The following BTBD9 variants were observed in gnomAD, a reference collection of about 807,000 sequenced individuals.
The protein encoded by BTBD9 is BTB domain containing 9, also known as BTB/POZ domain-containing protein 9.
A neutral mutation model predicts 64.3 loss-of-function variants in BTBD9; 49 were observed. The observed-to-expected ratio is 0.76, with a 90% confidence interval of 0.61 to 0.97. The LOEUF is 0.97. BTBD9 is among the 50% of genes least tolerant of loss of function. The pLI, the probability that BTBD9 is intolerant of heterozygous loss-of-function variation, is 0.00. For synonymous variants in BTBD9, 260 were observed against 274.7 expected (o/e 0.95, Z 0.53); for missense variants, 598 against 762.1 (o/e 0.78, Z 2.53).
At chr6:38,487,423 A>T (rs930563576) in intron 6 of BTBD9, among the ~76,000 whole-genome samples, 1 of 152,116 alleles carries the variant, frequency 6.6e-6, no homozygotes, top group African/African-American at 2.4e-5. Flanking sequence ...TCTACAAAAA[A>T]TACAAAAATT....
intron 10 of BTBD9, among the ~76,000 whole-genome samples, chr6:38,189,539 G>A (rs887507427): frequency 2.0e-5 from 3 of 152,164 alleles, no homozygotes; most frequent in African/African-American, 7.2e-5. Flanking sequence ...GCCCAGGGCT[G>A]GAGTGCAGTG....
At chr6:38,434,996 A>C (rs1034831855) in intron 6 of BTBD9, among the ~76,000 whole-genome samples, 2 of 151,918 alleles carry the variant, frequency 1.3e-5, no homozygotes, top group Non-Finnish European at 2.9e-5. Flanking sequence ...GGAGTTCGAG[A>C]CCAGCCTGAC....
chr6:38,398,758 A>T (rs1177137504), intron 6 of BTBD9, among the ~76,000 whole-genome samples: 1 of 152,232 alleles, frequency 6.6e-6, no homozygotes, highest in Admixed American at 6.5e-5. Flanking sequence ...ACTTTACTTC[A>T]TCAAAGCACT....
chr6:38,237,649 G>C (rs1037907305), intron 9 of BTBD9, among the ~76,000 whole-genome samples: 3 of 152,164 alleles, frequency 2.0e-5, no homozygotes, highest in Admixed American at 1.3e-4. Flanking sequence ...AATAGATAAT[G>C]CCAGCTATAT....
chr6:38,258,061 T>C (rs1447924733), intron 8 of BTBD9, among the ~76,000 whole-genome samples: 7 of 151,898 alleles, frequency 4.6e-5, no homozygotes, highest in Non-Finnish European at 1.0e-4. Context: ...TCTCGGCTCA[T>C]TGCAACCTCC....
intron 9 of BTBD9, among the ~76,000 whole-genome samples, chr6:38,244,163 G>A (rs1214151169): frequency 6.6e-6 from 1 of 152,098 alleles, no homozygotes; most frequent in Non-Finnish European, 1.5e-5. Flanking sequence ...TGTTACTGTG[G>A]TGCCCGCTGC....
At chr6:38,478,658 G>C (rs1208476872) in intron 6 of BTBD9, among the ~76,000 whole-genome samples, 2 of 152,176 alleles carry the variant, frequency 1.3e-5, no homozygotes, top group African/African-American at 4.8e-5. Context: ...CTTCCGGAAG[G>C]ATTCTGACCT....
intron 9 of BTBD9, among the ~76,000 whole-genome samples, chr6:38,213,928 G>A (rs1019091257): frequency 5.9e-5 from 9 of 151,812 alleles, no homozygotes; most frequent in Non-Finnish European, 1.0e-4. Flanking sequence ...CCCAGGAGGC[G>A]GAGCTTGCAG....
chr6:38,201,507 A>G (rs1373413367), intron 9 of BTBD9, among the ~76,000 whole-genome samples: 1 of 152,202 alleles, frequency 6.6e-6, no homozygotes, highest in Non-Finnish European at 1.5e-5. Flanking sequence ...GGAAAAGTTG[A>G]AATTCTTTTC....
chr6:38,455,722 T>C (rs1293499809), intron 6 of BTBD9, among the ~76,000 whole-genome samples: 1 of 152,242 alleles, frequency 6.6e-6, no homozygotes, highest in African/African-American at 2.4e-5. Flanking sequence ...GTTTTTTTGT[T>C]TCTGAGAAGG....
intron 1 of BTBD9, among the ~76,000 whole-genome samples, chr6:38,614,053 A>G (rs991927673): frequency 1.3e-5 from 2 of 152,252 alleles, no homozygotes; most frequent in South Asian, 2.1e-4. Flanking sequence ...CCAGTTAGTG[A>G]GAGCCAGGGA....
At chr6:38,462,757 C>T (rs1490258771) in intron 6 of BTBD9, among the ~76,000 whole-genome samples, 1 of 152,086 alleles carries the variant, frequency 6.6e-6, no homozygotes, top group East Asian at 1.9e-4. Context: ...AGTCTTCTGA[C>T]CCATACACAA....
At chr6:38,279,465 CTTCATCAGTTT>C (rs1484640644) in intron 8 of BTBD9, among the ~76,000 whole-genome samples, 1 of 151,582 alleles carries the variant, frequency 6.6e-6, no homozygotes, top group Non-Finnish European at 1.5e-5. Flanking sequence ...GACTGTGACC[CTTCATCAGTTT>C]TTTCAGAATA....
intron 6 of BTBD9, among the ~76,000 whole-genome samples, chr6:38,432,943 T>C (rs1039450662): frequency 6.6e-6 from 1 of 152,052 alleles, no homozygotes; most frequent in African/African-American, 2.4e-5. Context: ...GAATTGGTTT[T>C]CTCTGTGCAG....
At chr6:38,506,263 C>A (rs1199067755) in intron 6 of BTBD9, among the ~76,000 whole-genome samples, 8 of 152,156 alleles carry the variant, frequency 5.3e-5, no homozygotes, top group Admixed American at 5.2e-4. Flanking sequence ...GTTTAATACA[C>A]CTAACTTACC....
At chr6:38,599,610 A>G (rs1049059180) in intron 1 of BTBD9, among the ~76,000 whole-genome samples, 1 of 152,210 alleles carries the variant, frequency 6.6e-6, no homozygotes, top group Non-Finnish European at 1.5e-5. Flanking sequence ...CAGATATGTT[A>G]TCTCTGCTAG....
intron 6 of BTBD9, among the ~76,000 whole-genome samples, chr6:38,374,306 T>TATATATATATATATATATATATATATAC (rs1491240635): frequency 2.4e-5 from 2 of 84,626 alleles, no homozygotes; most frequent in Non-Finnish European, 4.3e-5. Flanking sequence ...TGTATATATA[T>TATATATATATATATATATATATATATAC]GTATATATAT....
intron 6 of BTBD9, among the ~76,000 whole-genome samples, chr6:38,391,624 C>A (rs1202092390): frequency 7.2e-6 from 1 of 138,208 alleles, no homozygotes; most frequent in Non-Finnish European, 1.5e-5. Flanking sequence ...TAAAAACTTG[C>A]TTGTTTTTCT....
intron 6 of BTBD9, among the ~76,000 whole-genome samples, chr6:38,544,493 C>A (rs1325096903): frequency 1.3e-5 from 2 of 151,944 alleles, no homozygotes; most frequent in Admixed American, 1.3e-4. Flanking sequence ...AAAGGGCCCA[C>A]TGAAAGGGTG....
Sources: allele counts gnomAD v4.1 joint callset (sites outside exome capture counted in the v4.1 genomes callset), GRCh38; gene constraint gnomAD v4.1.1; transcripts MANE v1.5; gene names NCBI Gene and HGNC (gene_info 2026-07-23, HGNC 2026-07-21).